MECOM: variants seen among roughly 807,000 people sequenced by gnomAD.
The protein encoded by MECOM is MDS1 and EVI1 complex locus, also known as histone-lysine N-methyltransferase MECOM.
MECOM carries 13 observed loss-of-function variants against 116.3 expected under a neutral mutation model. The observed-to-expected ratio is 0.11, with a 90% CI of 0.07 to 0.18. The LOEUF (loss-of-function observed/expected upper bound fraction) is 0.18. MECOM is among the 10% of genes least tolerant of loss of function. The pLI is 1.00. For synonymous variants in MECOM, 528 were observed against 535.2 expected (o/e 0.99, Z 0.19); for missense variants, 1,299 against 1,509.0 (o/e 0.86, Z 2.31).
chr3:169,616,058 G>T (rs771497998), intron 1 of MECOM, among the ~76,000 whole-genome samples: 1 of 152,176 alleles, frequency 6.6e-6, no homozygotes, highest in African/African-American at 2.4e-5. Flanking sequence ...GGAGGCAGAG[G>T]GGGAGTCGCT....
At chr3:169,532,038 G>A (rs1382154660) in intron 1 of MECOM, among the ~76,000 whole-genome samples, 2 of 152,162 alleles carry the variant, frequency 1.3e-5, no homozygotes, top group Non-Finnish European at 2.9e-5. Context: ...TCACTTCTAA[G>A]CTCAAGTGTG....
At chr3:169,458,970 C>T (rs534013229) in intron 1 of MECOM, among the ~76,000 whole-genome samples, 2 of 152,284 alleles carry the variant, frequency 1.3e-5, no homozygotes, top group East Asian at 3.9e-4. Context: ...GCAGCTCAAG[C>T]GCAGCATTTA....
intron 1 of MECOM, among the ~76,000 whole-genome samples, chr3:169,622,222 T>G (rs1233789361): frequency 1.3e-5 from 2 of 152,134 alleles, no homozygotes; most frequent in South Asian, 2.1e-4. Context: ...CCCGAGTAGC[T>G]GGGATTACAG....
chr3:169,526,451 T>C (rs1757978750), intron 1 of MECOM, among the ~76,000 whole-genome samples: 1 of 152,204 alleles, frequency 6.6e-6, no homozygotes, highest in Non-Finnish European at 1.5e-5. Flanking sequence ...ATCTGTCCAC[T>C]GATTCATAAA....
At chr3:169,169,300 T>C (rs1300590794) in intron 2 of MECOM, among the ~76,000 whole-genome samples, 1 of 152,158 alleles carries the variant, frequency 6.6e-6, no homozygotes. Context: ...TAATACTAAG[T>C]AGAAGAAAGA....
chr3:169,470,008 A>G (rs1560313826), intron 1 of MECOM: 1 of 152,210 alleles, frequency 6.6e-6, no homozygotes, highest in Non-Finnish European at 1.5e-5. Context: ...GCTCCAGAGG[A>G]GTCAACTCTT....
intron 2 of MECOM, among the ~76,000 whole-genome samples, chr3:169,224,074 G>A (rs1358051446): frequency 7.9e-5 from 12 of 152,222 alleles, no homozygotes; most frequent in South Asian, 2.1e-4. Flanking sequence ...CCCCACTGAC[G>A]GGGGTGCCTT....
At chr3:169,504,017 A>G (rs1754879581) in intron 1 of MECOM, among the ~76,000 whole-genome samples, 1 of 152,108 alleles carries the variant, frequency 6.6e-6, no homozygotes, top group Admixed American at 6.6e-5. Context: ...TGGCCATCCA[A>G]AAACTGAATC....
At chr3:169,492,909 G>A (rs1193676819) in intron 1 of MECOM, among the ~76,000 whole-genome samples, 3 of 151,554 alleles carry the variant, frequency 2.0e-5, no homozygotes, top group African/African-American at 7.3e-5. Context: ...GCAATGAGCC[G>A]AGATCACACC....
intron 2 of MECOM, among the ~76,000 whole-genome samples, chr3:169,213,452 G>C (rs1304214261): frequency 6.6e-6 from 1 of 152,012 alleles, no homozygotes; most frequent in Non-Finnish European, 1.5e-5. Flanking sequence ...TTTATACCAT[G>C]TGAAATATTC....
chr3:169,170,786 C>T (rs142195088), intron 2 of MECOM, among the ~76,000 whole-genome samples: 9 of 152,136 alleles, frequency 5.9e-5, no homozygotes, highest in Non-Finnish European at 1.3e-4. Flanking sequence ...ACTCAACAGC[C>T]GAAAAGGAAT....
At chr3:169,191,724 GA>G (rs1384609786) in intron 2 of MECOM, among the ~76,000 whole-genome samples, 4 of 45,078 alleles carry the variant, frequency 8.9e-5, no homozygotes, top group Non-Finnish European at 1.5e-4. Context: ...AAGAAAAAAA[GA>G]AAGAAAGAAA....
chr3:169,551,485 CA>C (rs1761400551), intron 1 of MECOM, among the ~76,000 whole-genome samples: 1 of 152,120 alleles, frequency 6.6e-6, no homozygotes, highest in Non-Finnish European at 1.5e-5. Flanking sequence ...GGGGCTGAGA[CA>C]AATACTCTGA....
At position 169,135,925 on chromosome 3, in the gene MECOM, A is replaced by T. The variant is rs144900105; in HGVS notation, c.511-4394T>A. ...TCTAAATGTTTATTTAAAATTCTAA[A>T]TGATTCAAGTAGTTGAAAAGTAAAA... On this transcript the variant is annotated intron_variant, in intron 3 of 16. Coordinates refer to ENST00000651503, the MANE Select transcript of MECOM (RefSeq NM_004991.4). Among the ~76,000 whole-genome samples the T allele has an allele frequency of 4.5e-3, 690 of 152,032 alleles. 5 individuals carry two copies. Among genetic ancestry groups the T allele is most frequent in the African/African-American group, 0.016 (661 of 41,546 alleles).
At chr3:169,556,196 C>T (rs1762010611) in intron 1 of MECOM, among the ~76,000 whole-genome samples, 1 of 152,160 alleles carries the variant, frequency 6.6e-6, no homozygotes, top group South Asian at 2.1e-4. Flanking sequence ...CTACTTATTC[C>T]TACAACAAGG....
intron 2 of MECOM, among the ~76,000 whole-genome samples, chr3:169,203,315 T>C (rs1228389141): frequency 6.6e-6 from 1 of 152,142 alleles, no homozygotes; most frequent in Non-Finnish European, 1.5e-5. Context: ...GTCATTTTAA[T>C]ACCACAGTGG....
chr3:169,391,674 A>T (rs2108338278), intron 1 of MECOM, among the ~76,000 whole-genome samples: 1 of 152,332 alleles, frequency 6.6e-6, no homozygotes, highest in East Asian at 1.9e-4. Flanking sequence ...TACACCAAAT[A>T]GCACTTATAA....
At chr3:169,515,149 C>T (rs1756466058) in intron 1 of MECOM, among the ~76,000 whole-genome samples, 1 of 152,166 alleles carries the variant, frequency 6.6e-6, no homozygotes, top group East Asian at 1.9e-4. Context: ...CGCCACAGCA[C>T]AGCAGCAGCT....
intron 1 of MECOM, among the ~76,000 whole-genome samples, chr3:169,460,952 T>C (rs1747342151): frequency 6.6e-6 from 1 of 152,196 alleles, no homozygotes; most frequent in South Asian, 2.1e-4. Flanking sequence ...CCAGGGCCTT[T>C]TTGGAAAATA....
Sources: gnomAD v4.1 joint callset for allele counts (sites outside exome capture counted in the v4.1 genomes callset) on GRCh38, gnomAD v4.1.1 for gene constraint, MANE v1.5 for transcripts, NCBI Gene and HGNC (gene_info 2026-07-23, HGNC 2026-07-21) for gene names.